Variants in RGL1 observed in about 807,000 individuals in gnomAD.
RGL1 encodes the protein ral guanine nucleotide dissociation stimulator-like 1.
RGL1 carries 24 observed loss-of-function variants against 95.2 expected under a neutral mutation model. The ratio of observed to expected loss-of-function variants is 0.25; its 90% CI spans 0.18 to 0.35. RGL1 has a LOEUF of 0.35. Among genes scored for constraint, RGL1 ranks in the 10% least tolerant of loss-of-function variants. The pLI is 1.00. For missense variants in RGL1, 715 were observed against 936.3 expected (o/e 0.76, Z 3.08); for synonymous variants, 329 against 344.9 (o/e 0.95, Z 0.51).
At chr1:183,687,039 C>T (rs1653633558) in intron 1 of RGL1, among the ~76,000 whole-genome samples, 1 of 152,206 alleles carries the variant, frequency 6.6e-6, no homozygotes, top group African/African-American at 2.4e-5. Context: ...CTGATTCTAA[C>T]TACGTTTCCC....
chr1:183,719,672 G>A (rs766287294), intron 1 of RGL1, among the ~76,000 whole-genome samples: 11 of 152,212 alleles, frequency 7.2e-5, no homozygotes, highest in Non-Finnish European at 1.3e-4. Context: ...TTGGGAGGCC[G>A]AGGCAGATGG....
intron 1 of RGL1, among the ~76,000 whole-genome samples, chr1:183,734,036 A>C (rs1368840688): frequency 6.6e-6 from 1 of 152,182 alleles, no homozygotes; most frequent in Non-Finnish European, 1.5e-5. Context: ...AAATAGATTC[A>C]ATTTCTGTTT....
chr1:183,753,035 G>A lies in RGL1; in HGVS notation c.132+10746G>A, dbSNP rs78469516. On this transcript the variant is annotated intron_variant, in intron 2 of 18. Coordinates refer to the RGL1 transcript ENST00000304685. Reference sequence around the variant, plus strand: ...ATAGATGAATTGATGTCTTTCATCCGTCTGGAAATATCTCCAATTTTTTTC... The same window carrying A: ...ATAGATGAATTGATGTCTTTCATCCATCTGGAAATATCTCCAATTTTTTTC... 2.2e-3 allele frequency among the ~76,000 whole-genome samples: 332 copies of A among 152,092 alleles called. 7 individuals carry two copies. In the East Asian group the frequency reaches 0.042, roughly 19 times the overall value.
At chr1:183,691,197 A>G (rs527554244) in intron 1 of RGL1, among the ~76,000 whole-genome samples, 32 of 152,378 alleles carry the variant, frequency 2.1e-4, no homozygotes, top group African/African-American at 7.7e-4. Context: ...GAATAAAATG[A>G]ACATGACTTG....
chr1:183,746,084 A>G (rs1657609135), intron 2 of RGL1, among the ~76,000 whole-genome samples: 1 of 151,888 alleles, frequency 6.6e-6, no homozygotes, highest in African/African-American at 2.4e-5. Context: ...CTACAAAATA[A>G]TACACATGCA....
At chr1:183,782,606 T>G (rs1380761100) in intron 2 of RGL1, among the ~76,000 whole-genome samples, 2 of 152,218 alleles carry the variant, frequency 1.3e-5, no homozygotes, top group East Asian at 3.8e-4. Context: ...TGAGAGCTAC[T>G]CAGATATCTA....
intron 2 of RGL1, among the ~76,000 whole-genome samples, chr1:183,773,159 G>T (rs1659391135): frequency 6.6e-6 from 1 of 150,846 alleles, no homozygotes; most frequent in African/African-American, 2.4e-5. Flanking sequence ...TGATCTCTCT[G>T]CAGACCACAT....
At chr1:183,864,905 C>G (rs1665732811) in intron 3 of RGL1, among the ~76,000 whole-genome samples, 1 of 152,138 alleles carries the variant, frequency 6.6e-6, no homozygotes, top group African/African-American at 2.4e-5. Context: ...ATTTGTAAGT[C>G]CTAGGAACAA....
Position 183,880,605 on chromosome 1 carries a change from G to T in RGL1, c.426-11G>T. ...AGTTGGGTGCAGTGACTCTCCATTT[G>T]TCTTTCTCAGTGCAATCGCTTCCAT... On this transcript the variant is annotated splice_polypyrimidine_tract_variant and intron_variant, in intron 4 of 17. Transcript: ENST00000360851. 6.2e-7 allele frequency: 1 copy of T among 1,612,588 alleles called. No homozygotes were observed. The highest frequency in any genetic ancestry group is 8.5e-7 in the Non-Finnish European group (1 of 1,179,442).
intron 2 of RGL1, among the ~76,000 whole-genome samples, chr1:183,820,533 G>A (rs1317221330): frequency 6.6e-6 from 1 of 152,110 alleles, no homozygotes; most frequent in Non-Finnish European, 1.5e-5. Context: ...GAATTCAGCT[G>A]GAGTGGATGG....
At chr1:183,767,287 A>T (rs1470417330) in intron 2 of RGL1, among the ~76,000 whole-genome samples, 1 of 151,728 alleles carries the variant, frequency 6.6e-6, no homozygotes, top group Non-Finnish European at 1.5e-5. Flanking sequence ...TAATATGTAT[A>T]TATAAGTAAA....
chr1:183,775,004 T>G (rs751250930), intron 2 of RGL1, among the ~76,000 whole-genome samples: 1 of 152,194 alleles, frequency 6.6e-6, no homozygotes, highest in Admixed American at 6.5e-5. Flanking sequence ...TATGATTGCT[T>G]CCTTACCCCT....
chr1:183,770,773 T>C (rs1659234479), intron 2 of RGL1, among the ~76,000 whole-genome samples: 1 of 152,158 alleles, frequency 6.6e-6, no homozygotes, highest in Non-Finnish European at 1.5e-5. Flanking sequence ...TGATACTTTC[T>C]GGGAGGTCTT....
rs1358303052 is a variant in RGL1, at chr1:183,885,922, G to T, written c.951+984G>T. On this transcript the variant is annotated intron_variant, in intron 7 of 17. Coordinates refer to ENST00000360851, the MANE Select transcript of RGL1 (RefSeq NM_001297671.3). Reference sequence around the variant, plus strand: ...GAAATTAACTTTGAGTAACAGATAGGATTTTTGGTATTTGAAGATTAGAGA... The same window carrying T: ...GAAATTAACTTTGAGTAACAGATAGTATTTTTGGTATTTGAAGATTAGAGA... Among the ~76,000 whole-genome samples, 3 of 151,906 alleles carry T rather than the reference G, an allele frequency of 2.0e-5. No individual in the cohort carries two copies. In the East Asian group the frequency reaches 5.8e-4, roughly 29 times the overall value.
chr1:183,768,066 A>C (rs1659075071), intron 2 of RGL1, among the ~76,000 whole-genome samples: 1 of 152,146 alleles, frequency 6.6e-6, no homozygotes, highest in African/African-American at 2.4e-5. Context: ...CAATATCTCA[A>C]ATTTTCTCTC....
At chr1:183,801,948 C>G (rs996605425), upstream of RGL1, among the ~76,000 whole-genome samples, 7 of 152,176 alleles carry the variant, frequency 4.6e-5, no homozygotes, top group Non-Finnish European at 8.8e-5. Context: ...ATCCAGACAC[C>G]TCCCATTAGG....
intron 2 of RGL1, among the ~76,000 whole-genome samples, chr1:183,789,133 T>C (rs1037476725): frequency 6.6e-6 from 1 of 152,204 alleles, no homozygotes; most frequent in Non-Finnish European, 1.5e-5. Flanking sequence ...GCAGGTACCA[T>C]GTCTGTCATG....
chr1:183,677,767 C>G (rs1186204702), intron 1 of RGL1, among the ~76,000 whole-genome samples: 2 of 152,140 alleles, frequency 1.3e-5, no homozygotes, highest in Non-Finnish European at 2.9e-5. Context: ...TGGTCAATGT[C>G]ACATCACCAT....
chr1:183,663,622 A>G (rs868717615), intron 1 of RGL1, among the ~76,000 whole-genome samples: 1,948 of 152,076 alleles, frequency 0.013, 49 homozygotes, highest in African/African-American at 0.045. Flanking sequence ...GTGGGACTGT[A>G]AACTAGTTCA....
Sources: allele counts gnomAD v4.1 joint callset (sites outside exome capture counted in the v4.1 genomes callset), GRCh38; gene constraint gnomAD v4.1.1; transcripts MANE v1.5; gene names NCBI Gene and HGNC (gene_info 2026-07-23, HGNC 2026-07-21).